Variants in LRMDA observed in about 807,000 individuals in gnomAD.
LRMDA encodes leucine-rich melanocyte differentiation-associated protein.
A neutral mutation model predicts 29.8 loss-of-function variants in LRMDA; 18 were observed. The observed-to-expected ratio is 0.60, with a 90% CI of 0.42 to 0.90. The LOEUF (loss-of-function observed/expected upper bound fraction) is 0.90, where lower values mean the gene tolerates loss of function less well. LRMDA is among the 40% of genes least tolerant of loss of function. The pLI is 0.00. For missense variants in LRMDA, 273 were observed against 273.9 expected, an observed-to-expected ratio of 1.00 and a Z score of 0.02; for synonymous variants, 125 against 109.4, an observed-to-expected ratio of 1.14 and a Z score of -0.89.
intron 2 of LRMDA, chr10:75,782,673 G>C (rs1357494304): frequency 5.4e-6 from 6 of 1,104,750 alleles, no homozygotes; most frequent in Middle Eastern, 7.8e-4. Flanking sequence ...CTCGCTGCCG[G>C]TGCAGTTCCA....
chr10:75,623,486 C>T (rs1288460901), intron 2 of LRMDA, among the ~76,000 whole-genome samples: 2 of 152,206 alleles, frequency 1.3e-5, no homozygotes, highest in East Asian at 1.9e-4. Flanking sequence ...GGTCTGCACA[C>T]AGCTCAAGCC....
At chr10:75,704,316 G>T (rs4746321) in intron 2 of LRMDA, among the ~76,000 whole-genome samples, 5,730 of 152,164 alleles carry the variant, frequency 0.038, 268 homozygotes, top group African/African-American at 0.11. Flanking sequence ...GAATTGTCAT[G>T]TTTATATTTT....
intron 6 of LRMDA, among the ~76,000 whole-genome samples, chr10:76,420,735 A>G (rs370869271): frequency 9.2e-5 from 14 of 152,196 alleles, no homozygotes; most frequent in African/African-American, 3.1e-4. Flanking sequence ...TAGTCATTCA[A>G]TTCAAGATCT....
intron 2 of LRMDA, among the ~76,000 whole-genome samples, chr10:75,533,402 G>A (rs1405028814): frequency 2.0e-5 from 3 of 152,216 alleles, no homozygotes; most frequent in Non-Finnish European, 2.9e-5. Context: ...TTCAGGAAAA[G>A]GCTGACAAGG....
intron 6 of LRMDA, among the ~76,000 whole-genome samples, chr10:76,336,728 A>C (rs1840973664): frequency 6.6e-6 from 1 of 152,220 alleles, no homozygotes; most frequent in Admixed American, 6.5e-5. Flanking sequence ...CATCTGTGTG[A>C]GAGCAATAAA....
chr10:75,723,026 C>A (rs1019628455), intron 2 of LRMDA, among the ~76,000 whole-genome samples: 1 of 152,194 alleles, frequency 6.6e-6, no homozygotes, highest in Non-Finnish European at 1.5e-5. Context: ...TCAATTTAGT[C>A]TTCTATTGAA....
intron 6 of LRMDA, among the ~76,000 whole-genome samples, chr10:76,458,302 C>T (rs1873468): frequency 0.69 from 104,830 of 151,984 alleles, 37,700 homozygotes; most frequent in Non-Finnish European, 0.81. Flanking sequence ...CCAGCCTGCA[C>T]TGGATATTTA....
At chr10:76,147,509 C>T (rs1850350666) in intron 5 of LRMDA, among the ~76,000 whole-genome samples, 1 of 152,158 alleles carries the variant, frequency 6.6e-6, no homozygotes, top group African/African-American at 2.4e-5. Flanking sequence ...CGTCACGTAG[C>T]TCTCGTGCCT....
chr10:75,685,687 T>C (rs1329623116), intron 2 of LRMDA, among the ~76,000 whole-genome samples: 1 of 152,236 alleles, frequency 6.6e-6, no homozygotes, highest in African/African-American at 2.4e-5. Flanking sequence ...CATCATGTCA[T>C]AAAGGCGATG....
chr10:75,706,210 A>T (rs1288668803), intron 2 of LRMDA, among the ~76,000 whole-genome samples: 3 of 151,846 alleles, frequency 2.0e-5, no homozygotes, highest in Admixed American at 6.6e-5. Context: ...CATATTTTAA[A>T]ACCCCACTAT....
chr10:75,723,611 A>G (rs1375218299), intron 2 of LRMDA, among the ~76,000 whole-genome samples: 2 of 152,214 alleles, frequency 1.3e-5, no homozygotes, highest in African/African-American at 4.8e-5. Context: ...GGCTCAGGAA[A>G]TAGAACAGGA....
chr10:76,352,970 T>C (rs771807315), intron 6 of LRMDA, among the ~76,000 whole-genome samples: 1 of 152,062 alleles, frequency 6.6e-6, no homozygotes, highest in Non-Finnish European at 1.5e-5. Context: ...CTTTTGAAGA[T>C]CAAACAAGAA....
intron 2 of LRMDA, among the ~76,000 whole-genome samples, chr10:75,999,732 C>CA (rs777612102): frequency 1.4e-4 from 22 of 152,012 alleles, no homozygotes; most frequent in East Asian, 1.2e-3. Flanking sequence ...CATCAACTAC[C>CA]AAAAAAAATT....
intron 5 of LRMDA, among the ~76,000 whole-genome samples, chr10:76,214,941 C>A (rs577008839): frequency 2.0e-5 from 3 of 152,206 alleles, no homozygotes; most frequent in Non-Finnish European, 2.9e-5. Flanking sequence ...GGATTAAATG[C>A]AACCACCTGC....
At chr10:75,468,790 TGGC>T (rs551007081) in intron 2 of LRMDA, among the ~76,000 whole-genome samples, 59 of 152,126 alleles carry the variant, frequency 3.9e-4, no homozygotes, top group Non-Finnish European at 4.3e-4. Context: ...TACTAGTCCA[TGGC>T]GGCCGTCCAG....
chr10:75,857,191 T>C (rs578227317), intron 2 of LRMDA, among the ~76,000 whole-genome samples: 3 of 152,294 alleles, frequency 2.0e-5, no homozygotes, highest in Non-Finnish European at 1.5e-5. Context: ...CAGGGAAAAG[T>C]CCCAGCAGAT....
At chr10:75,573,001 T>A (rs541181911) in intron 2 of LRMDA, among the ~76,000 whole-genome samples, 43 of 152,342 alleles carry the variant, frequency 2.8e-4, no homozygotes, top group Non-Finnish European at 4.6e-4. Flanking sequence ...ATCATGGACT[T>A]CTAGCATCCA....
At chr10:76,114,003 G>GT (rs1275956162) in intron 5 of LRMDA, among the ~76,000 whole-genome samples, 1 of 152,138 alleles carries the variant, frequency 6.6e-6, no homozygotes, top group Non-Finnish European at 1.5e-5. Context: ...CTGCTTTGTG[G>GT]TTTTTTTCGG....
chr10:75,618,508 A>G (rs1841138176), intron 2 of LRMDA, among the ~76,000 whole-genome samples: 1 of 81,568 alleles, frequency 1.2e-5, no homozygotes, highest in Admixed American at 1.5e-4. Context: ...TCAACCATAT[A>G]TATTATATAT....
Sources: gnomAD v4.1 joint callset for allele counts (sites outside exome capture counted in the v4.1 genomes callset) on GRCh38, gnomAD v4.1.1 for gene constraint, MANE v1.5 for transcripts, NCBI Gene and HGNC (gene_info 2026-07-23, HGNC 2026-07-21) for gene names.